FGF18: variants seen among roughly 807,000 people sequenced by gnomAD.
FGF18 encodes the protein fibroblast growth factor 18.
In FGF18, 5 loss-of-function variants were observed where a neutral mutation model predicts 23.0. That is an observed-to-expected ratio of 0.22 (90% CI 0.11 to 0.46). The LOEUF (loss-of-function observed/expected upper bound fraction) is 0.46, where lower values mean the gene tolerates loss of function less well. Ranked by LOEUF, FGF18 falls within the 20% of genes least tolerant of loss-of-function variation. The pLI is 0.99. For synonymous variants in FGF18, 117 were observed against 118.9 expected, an observed-to-expected ratio of 0.98 and a Z score of 0.10; for missense variants, 180 against 291.6, an observed-to-expected ratio of 0.62 and a Z score of 2.79.
At chr5:171,432,283 T>C (rs1212309033) in intron 2 of FGF18, among the ~76,000 whole-genome samples, 1 of 152,224 alleles carries the variant, frequency 6.6e-6, no homozygotes, top group Non-Finnish European at 1.5e-5. Flanking sequence ...GCATGTGCTC[T>C]GGCAGCAGAC....
intron 2 of FGF18, 151 bp downstream of exon 2, chr5:171,420,594 G>A: frequency 2.7e-6 from 2 of 743,086 alleles, no homozygotes; most frequent in Non-Finnish European, 4.4e-6. Context: ...GGGCGGCTCC[G>A]CGTGCGCCCT....
At chr5:171,428,890 A>G (rs1052908851) in intron 2 of FGF18, among the ~76,000 whole-genome samples, 2 of 152,176 alleles carry the variant, frequency 1.3e-5, no homozygotes, top group African/African-American at 4.8e-5. Flanking sequence ...GATGATCTGT[A>G]CCATGAAGGC....
intron 2 of FGF18, among the ~76,000 whole-genome samples, chr5:171,428,869 G>A (rs746293531): frequency 6.6e-5 from 10 of 152,224 alleles, no homozygotes; most frequent in Admixed American, 1.3e-4. Context: ...TGCAGCAGCG[G>A]TGCCCATATT....
At chr5:171,432,224 G>C (rs10475978) in intron 2 of FGF18, among the ~76,000 whole-genome samples, 79,483 of 151,664 alleles carry the variant, frequency 0.52, 20,997 homozygotes, top group African/African-American at 0.6. Context: ...GACCTGCCAC[G>C]CAGCTAGTAG....
rs940708314 is a variant in FGF18, at chr5:171,419,751, C to G, written c.-449C>G. On this transcript the variant is annotated 5_prime_UTR_variant, in exon 1 of 5. Transcript: ENST00000274625. ...ACGCTTTCGCGCTGCAGCCGCGCGC[C>G]CCGACCCCGGAGCGCTGACCCCTGG... The G allele has an allele frequency of 6.6e-6, 1 of 151,566 alleles. No homozygotes were observed. The highest frequency in any genetic ancestry group is 1.5e-5 in the Non-Finnish European group (1 of 67,896). 9.4% of individuals were successfully genotyped at this position (151,566 alleles called of 1,614,324 possible).
At chr5:171,452,306 T>G (rs913719504) in intron 4 of FGF18, among the ~76,000 whole-genome samples, 1 of 152,226 alleles carries the variant, frequency 6.6e-6, no homozygotes, top group African/African-American at 2.4e-5. Context: ...ACGCCTGGTC[T>G]CAGCTCCAGT....
At chr5:171,448,792 G>T (rs545018410) in intron 3 of FGF18, among the ~76,000 whole-genome samples, 1 of 152,208 alleles carries the variant, frequency 6.6e-6, no homozygotes, top group African/African-American at 2.4e-5. Flanking sequence ...TGAGGGGCTA[G>T]GGAAGGTGGG....
intron 3 of FGF18, among the ~76,000 whole-genome samples, chr5:171,448,286 T>C (rs1232309948): frequency 6.6e-6 from 1 of 152,140 alleles, no homozygotes; most frequent in Non-Finnish European, 1.5e-5. Flanking sequence ...TCTGGGCTCC[T>C]GGGAGTTAGT....
chr5:171,449,400 T>TGTGA (rs1458322429), intron 4 of FGF18, 147 bp downstream of exon 4: 195 of 363,046 alleles, frequency 5.4e-4, no homozygotes, highest in South Asian at 1.0e-3. Flanking sequence ...TGTGTGTGTG[T>TGTGA]GAGAGAGAGA....
At chr5:171,437,248 C>G (rs998949814) in intron 3 of FGF18, among the ~76,000 whole-genome samples, 1 of 152,212 alleles carries the variant, frequency 6.6e-6, no homozygotes, top group Non-Finnish European at 1.5e-5. Flanking sequence ...CTGCCCGTTG[C>G]AGTCAGGACG....
At chr5:171,438,099 CTTTTTT>C in intron 3 of FGF18, among the ~76,000 whole-genome samples, 1 of 135,672 alleles carries the variant, frequency 7.4e-6, no homozygotes, top group African/African-American at 2.7e-5. Context: ...TTTTTCTTTT[CTTTTTT>C]TTTTTTTTTT....
At position 171,434,159 on chromosome 5, in the gene FGF18, G is replaced by T. The variant is rs1256446667; in HGVS notation, c.70-1934G>T. On this transcript the variant is annotated intron_variant, in intron 2 of 4. Coordinates refer to ENST00000274625, the MANE Select transcript of FGF18 (RefSeq NM_003862.3). This position sits in a 1 kb window ranked among gnomAD's most constrained non-coding sequence, Gnocchi z 4.6. Reference sequence around the variant, plus strand: ...CAGTGGCCTGGGGCTGCCCGCAGGGGTGGGGCACAGGAAACACAGTCTTTA... The same window carrying T: ...CAGTGGCCTGGGGCTGCCCGCAGGGTTGGGGCACAGGAAACACAGTCTTTA... Among the ~76,000 whole-genome samples, 1 of 152,252 alleles carries T rather than the reference G, an allele frequency of 6.6e-6. No individual in the cohort carries two copies. Among genetic ancestry groups the T allele is most frequent in the Non-Finnish European group, 1.5e-5 (1 of 68,044 alleles).
At chr5:171,420,781 C>T (rs969123662) in intron 2 of FGF18, among the ~76,000 whole-genome samples, 2 of 152,262 alleles carry the variant, frequency 1.3e-5, no homozygotes, top group Non-Finnish European at 2.9e-5. Flanking sequence ...GGGGTAGGAC[C>T]TAGGGATTTT....
chr5:171,421,460 C>T (rs1772005749), intron 2 of FGF18, among the ~76,000 whole-genome samples: 1 of 152,200 alleles, frequency 6.6e-6, no homozygotes, highest in South Asian at 2.1e-4. Context: ...ACCCTTCCCC[C>T]TCGGTGGAAG....
chr5:171,436,525 G>A lies in FGF18; in HGVS notation c.250+252G>A, dbSNP rs1185532258. 6.6e-6 allele frequency among the ~76,000 whole-genome samples: 1 copy of A among 152,174 alleles called. No homozygotes were observed. The highest frequency in any genetic ancestry group is 2.4e-5 in the African/African-American group (1 of 41,440). ...TTGGCCGGTAAATGCCCCATAAGTC[G>A]CATTTGCTGTGGTATCAGTGGCTTG... On this transcript the variant is annotated intron_variant, in intron 3 of 4. Coordinates refer to ENST00000274625, the MANE Select transcript of FGF18 (RefSeq NM_003862.3). The surrounding 1 kb of genome is among the most constrained non-coding windows in gnomAD (Gnocchi z 4.4).
chr5:171,457,158 GA>G lies in FGF18; in HGVS notation c.*367del, dbSNP rs80325980. The G allele has an allele frequency of 6.3e-3, 573 of 90,562 alleles. 1 individual carries two copies. Among genetic ancestry groups the G allele is most frequent in the African/African-American group, 0.01 (254 of 24,344 alleles). 5.6% of individuals were successfully genotyped at this position (90,562 alleles called of 1,614,324 possible). A position where few individuals can be genotyped will look rare whatever the true frequency, so the allele number is the denominator to read the frequency against. ...TCCTTTTTCCCAAAGGTTCTGAAAGGAAAAAAAAAAAAAACAAAAAAAAAGA... is the reference window on the plus strand; with the variant it reads ...TCCTTTTTCCCAAAGGTTCTGAAAGGAAAAAAAAAAAAACAAAAAAAAAGA... On this transcript the variant is annotated 3_prime_UTR_variant, in exon 5 of 5. Coordinates refer to ENST00000274625, the MANE Select transcript of FGF18 (RefSeq NM_003862.3).
chr5:171,452,977 G>A (rs1772537499), intron 4 of FGF18, among the ~76,000 whole-genome samples: 1 of 152,176 alleles, frequency 6.6e-6, no homozygotes, highest in African/African-American at 2.4e-5. Flanking sequence ...TCAAATGGAA[G>A]GACTAGGGCT....
At chr5:171,449,835 G>A (rs981546987) in intron 4 of FGF18, among the ~76,000 whole-genome samples, 3 of 148,796 alleles carry the variant, frequency 2.0e-5, no homozygotes, top group South Asian at 2.1e-4. Context: ...AGGAGTGGGG[G>A]TGCAGGTTGG....
At chr5:171,423,015 A>G (rs1772039470) in intron 2 of FGF18, among the ~76,000 whole-genome samples, 1 of 152,152 alleles carries the variant, frequency 6.6e-6, no homozygotes, top group African/African-American at 2.4e-5. Context: ...GGATGCGCCT[A>G]CGCCCTTCCC....
Sources: allele counts gnomAD v4.1 joint callset (sites outside exome capture counted in the v4.1 genomes callset), GRCh38; gene constraint gnomAD v4.1.1; non-coding constraint Gnocchi (gnomAD v3.1); transcripts MANE v1.5; gene names NCBI Gene and HGNC (gene_info 2026-07-23, HGNC 2026-07-21).